SAMD5: variants seen among roughly 807,000 people sequenced by gnomAD.
SAMD5 encodes the protein sterile alpha motif domain-containing protein 5.
SAMD5 carries 13 observed loss-of-function variants against 11.3 expected under a neutral mutation model. The ratio of observed to expected loss-of-function variants is 1.15; its 90% CI spans 0.75 to 1.83. The LOEUF (loss-of-function observed/expected upper bound fraction) is 1.83, where lower values mean the gene tolerates loss of function less well. SAMD5 is among the 40% of genes most tolerant of loss of function. The pLI is 0.00. For synonymous variants in SAMD5, 129 were observed against 111.3 expected, an observed-to-expected ratio of 1.16 and a Z score of -1.00; for missense variants, 255 against 239.1, an observed-to-expected ratio of 1.07 and a Z score of -0.44.
the SAMD5 span, among the ~76,000 whole-genome samples, chr6:147,745,739 T>C: frequency 1.3e-5 from 2 of 152,040 alleles, no homozygotes; most frequent in African/African-American, 4.8e-5. Flanking sequence ...GAAAAGCTCC[T>C]GTACTAGCTG....
At chr6:147,863,705 C>T in the SAMD5 span, among the ~76,000 whole-genome samples, 4,659 of 151,792 alleles carry the variant, frequency 0.031, 101 homozygotes, top group Non-Finnish European at 0.046. Flanking sequence ...TCACGATGAA[C>T]CTGACATCAT....
intron 1 of SAMD5, among the ~76,000 whole-genome samples, chr6:147,675,070 T>C (rs1160121670): frequency 1.3e-5 from 2 of 152,182 alleles, no homozygotes; most frequent in African/African-American, 2.4e-5. Context: ...TATTAATCAA[T>C]TGAAATTGGC....
the SAMD5 span, among the ~76,000 whole-genome samples, chr6:147,856,137 T>G: frequency 6.6e-6 from 1 of 152,156 alleles, no homozygotes; most frequent in African/African-American, 2.4e-5. Context: ...AGGGATGAAC[T>G]CAACATAATT....
At chr6:147,666,429 G>T (rs1323180890) in intron 1 of SAMD5, among the ~76,000 whole-genome samples, 6 of 152,176 alleles carry the variant, frequency 3.9e-5, no homozygotes, top group Admixed American at 1.3e-4. Flanking sequence ...AGAACAGTGT[G>T]CGTCCTCCAG....
intron 1 of SAMD5, among the ~76,000 whole-genome samples, chr6:147,723,712 C>A (rs1360754631): frequency 1.3e-5 from 2 of 152,122 alleles, no homozygotes; most frequent in African/African-American, 2.4e-5. Flanking sequence ...TTCTTATTAC[C>A]AAGTTTCCCC....
At chr6:147,595,530 T>TC in intron 1 of SAMD5, among the ~76,000 whole-genome samples, 1 of 144,358 alleles carries the variant, frequency 6.9e-6, no homozygotes, top group Non-Finnish European at 1.5e-5. Context: ...ACCTTTTTTT[T>TC]TTTTTTTTTT....
the SAMD5 span, among the ~76,000 whole-genome samples, chr6:147,877,001 G>T: frequency 4.3e-4 from 65 of 152,180 alleles, no homozygotes; most frequent in Non-Finnish European, 8.1e-4. Context: ...AGGCAGACAG[G>T]CCCCAGTGGA....
chr6:147,903,886 C>T, the SAMD5 span, among the ~76,000 whole-genome samples: 15 of 148,646 alleles, frequency 1.0e-4, no homozygotes, highest in South Asian at 2.1e-4. Flanking sequence ...CCAGCCTGGG[C>T]GACAGAGTGA....
intron 1 of SAMD5, among the ~76,000 whole-genome samples, chr6:147,685,977 T>C (rs1791005445): frequency 6.6e-6 from 1 of 152,224 alleles, no homozygotes; most frequent in Non-Finnish European, 1.5e-5. Flanking sequence ...CATACAATTA[T>C]AGTTAATACA....
rs77721747 is a variant in SAMD5 at position 147,513,981 on chromosome 6, T to C, written c.459+4594T>C. Among the ~76,000 whole-genome samples the C allele has an allele frequency of 9.3e-3, 1,412 of 152,268 alleles. 19 individuals are homozygous for C. The highest frequency in any genetic ancestry group is 0.032 in the African/African-American group (1,341 of 41,542). On this transcript the variant is annotated intron_variant, in intron 1 of 1. Coordinates refer to ENST00000367474, the MANE Select transcript of SAMD5 (RefSeq NM_001030060.3). ...AACTTTGAAACCAAGTTTGATGAGA[T>C]GACAGAACTAAGGTTACAGCCGGAG...
At chr6:147,766,113 A>C in the SAMD5 span, among the ~76,000 whole-genome samples, 2 of 150,402 alleles carry the variant, frequency 1.3e-5, no homozygotes, top group African/African-American at 4.9e-5. Flanking sequence ...AGAAAAAAAA[A>C]AACACAAAAA....
At chr6:147,638,332 C>T (rs1373888632) in intron 1 of SAMD5, among the ~76,000 whole-genome samples, 1 of 152,164 alleles carries the variant, frequency 6.6e-6, no homozygotes, top group African/African-American at 2.4e-5. Flanking sequence ...TTTCCTTCTG[C>T]TCACCAAAGA....
chr6:147,621,689 C>G (rs73787334), intron 1 of SAMD5, among the ~76,000 whole-genome samples: 6,563 of 152,226 alleles, frequency 0.043, 430 homozygotes, highest in African/African-American at 0.14. Context: ...GGAGAGCTGC[C>G]GAGGAGCAGC....
intron 1 of SAMD5, among the ~76,000 whole-genome samples, chr6:147,696,487 C>G (rs1791178049): frequency 6.6e-6 from 1 of 152,140 alleles, no homozygotes; most frequent in South Asian, 2.1e-4. Context: ...TCACCACAAG[C>G]CTGATAGGAC....
chr6:147,838,981 G>C, the SAMD5 span, among the ~76,000 whole-genome samples: 1 of 152,124 alleles, frequency 6.6e-6, no homozygotes, highest in African/African-American at 2.4e-5. Context: ...CACAGTTTTT[G>C]GTATTCACCT....
At chr6:147,668,303 A>G (rs957291396) in intron 1 of SAMD5, among the ~76,000 whole-genome samples, 4 of 152,218 alleles carry the variant, frequency 2.6e-5, no homozygotes, top group East Asian at 1.9e-4. Flanking sequence ...TTCATTTTCA[A>G]AATTACTTTG....
At chr6:147,716,226 G>T (rs983391750) in intron 1 of SAMD5, among the ~76,000 whole-genome samples, 1 of 152,210 alleles carries the variant, frequency 6.6e-6, no homozygotes, top group African/African-American at 2.4e-5. Flanking sequence ...AAGTCCAGAG[G>T]GGGCTGAAGT....
At chr6:147,631,907 G>A (rs1172537769) in intron 1 of SAMD5, among the ~76,000 whole-genome samples, 1 of 152,224 alleles carries the variant, frequency 6.6e-6, no homozygotes, top group Non-Finnish European at 1.5e-5. Context: ...GAGGTTCTAA[G>A]AGGTGGGCTA....
chr6:147,714,794 G>A (rs571933153), intron 1 of SAMD5, among the ~76,000 whole-genome samples: 3 of 152,208 alleles, frequency 2.0e-5, no homozygotes, highest in African/African-American at 7.2e-5. Context: ...CCAAAAAAAC[G>A]AATGACTTAG....
Sources: gnomAD v4.1 joint callset for allele counts (sites outside exome capture counted in the v4.1 genomes callset) on GRCh38, gnomAD v4.1.1 for gene constraint, MANE v1.5 for transcripts, NCBI Gene and HGNC (gene_info 2026-07-23, HGNC 2026-07-21) for gene names.